DACH2: variants seen among roughly 807,000 people sequenced by gnomAD.
DACH2 encodes dachshund family transcription factor 2.
DACH2 carries 17 observed loss-of-function variants against 35.8 expected under a neutral mutation model. The ratio of observed to expected loss-of-function variants is 0.48; its 90% confidence interval spans 0.33 to 0.71. The LOEUF is 0.71. DACH2 is among the 30% of genes least tolerant of loss of function. The pLI, the probability that DACH2 is intolerant of heterozygous loss-of-function variation, is 0.02. For missense variants in DACH2, 469 were observed against 472.7 expected (o/e 0.99, Z 0.07); for synonymous variants, 195 against 177.3 (o/e 1.10, Z -0.79).
intron 3 of DACH2, among the ~76,000 whole-genome samples, chrX:86,552,280 T>A (rs186147546): frequency 2.3e-3 from 256 of 111,896 alleles, no homozygotes; most frequent in African/African-American, 5.5e-3. Flanking sequence ...TAATACTAAG[T>A]TGAATCTAAA....
At chrX:86,162,008 T>C (rs2030777855) in intron 1 of DACH2, among the ~76,000 whole-genome samples, 1 of 112,378 alleles carries the variant, frequency 8.9e-6, no homozygotes, top group Non-Finnish European at 1.9e-5. Context: ...AAGCTTTCAT[T>C]ATTCTTTACA....
chrX:86,591,428 C>T (rs918692377), intron 3 of DACH2, among the ~76,000 whole-genome samples: 4 of 111,816 alleles, frequency 3.6e-5, no homozygotes, highest in African/African-American at 1.3e-4. Flanking sequence ...AACTAGTTTA[C>T]AGTCCCACCA....
intron 2 of DACH2, among the ~76,000 whole-genome samples, chrX:86,424,477 A>G (rs1246109747): frequency 9.1e-6 from 1 of 110,465 alleles, no homozygotes; most frequent in Admixed American, 9.6e-5. Flanking sequence ...TTTTTTTCAC[A>G]TTGTTCACTG....
intron 6 of DACH2, among the ~76,000 whole-genome samples, chrX:86,727,286 T>C (rs1173569931): frequency 9.0e-6 from 1 of 111,636 alleles, no homozygotes; most frequent in Non-Finnish European, 1.9e-5. Context: ...AAAACATACC[T>C]ACAGAAAAAC....
chrX:86,562,482 G>A (rs753783949), intron 3 of DACH2, among the ~76,000 whole-genome samples: 1 of 111,150 alleles, frequency 9.0e-6, no homozygotes, highest in Non-Finnish European at 1.9e-5. Flanking sequence ...TAACCAGACA[G>A]TATATCTAAT....
At chrX:86,772,928 TC>T (rs2042000260) in intron 7 of DACH2, among the ~76,000 whole-genome samples, 1 of 111,435 alleles carries the variant, frequency 9.0e-6, no homozygotes, top group Non-Finnish European at 1.9e-5. Context: ...AAAGAAAACA[TC>T]CTGTAAGCCC....
At chrX:86,424,627 A>G (rs574199284) in intron 2 of DACH2, among the ~76,000 whole-genome samples, 10 of 111,655 alleles carry the variant, frequency 9.0e-5, no homozygotes, top group African/African-American at 3.2e-4. Flanking sequence ...ATTTGCAAAC[A>G]AGAATACTTT....
chrX:86,704,629 G>A (rs1017108913), intron 5 of DACH2, among the ~76,000 whole-genome samples: 10 of 111,213 alleles, frequency 9.0e-5, no homozygotes, highest in Admixed American at 8.6e-4. Context: ...AAAAATGTGG[G>A]CAAGTGACAT....
At chrX:86,606,913 C>A (rs2039866727) in intron 3 of DACH2, among the ~76,000 whole-genome samples, 1 of 111,809 alleles carries the variant, frequency 8.9e-6, no homozygotes, top group Non-Finnish European at 1.9e-5. Flanking sequence ...TTGTTATATT[C>A]TCTTGCTGAA....
chrX:86,619,124 A>G (rs984157950), intron 3 of DACH2, among the ~76,000 whole-genome samples: 33 of 112,252 alleles, frequency 2.9e-4, no homozygotes, highest in Non-Finnish European at 2.6e-4. Flanking sequence ...ATCATCAATT[A>G]TAGCCAAGAT....
chrX:86,656,857 G>GTATAGA (rs2040547129), intron 4 of DACH2, among the ~76,000 whole-genome samples: 1 of 66,772 alleles, frequency 1.5e-5, no homozygotes, highest in Non-Finnish European at 2.6e-5. Flanking sequence ...GTGTGTGTGT[G>GTATAGA]TATATATATA....
In DACH2 at chrX:86,732,191, A is replaced by C. The variant is rs764923397; in HGVS notation, c.1105-7556A>C. 4.5e-5 allele frequency among the ~76,000 whole-genome samples: 5 copies of C among 111,809 alleles called. No individual in the cohort carries two copies. The South Asian group carries it at 1.8e-3, about 41-fold the overall frequency. ...CATTTTGAGAACAAGAAAGGATAAT[A>C]AAGACTTAAAAATCAGCAAGTGTCT... On this transcript the variant is annotated intron_variant, in intron 6 of 11. Coordinates refer to ENST00000373125, the MANE Select transcript of DACH2 (RefSeq NM_053281.3).
At chrX:86,649,695 G>C (rs1339347552) in intron 3 of DACH2, among the ~76,000 whole-genome samples, 1 of 111,103 alleles carries the variant, frequency 9.0e-6, no homozygotes, top group Non-Finnish European at 1.9e-5. Flanking sequence ...AGTTTTCTAT[G>C]CATCATAAGG....
chrX:86,321,425 A>T (rs1276276710), intron 1 of DACH2, among the ~76,000 whole-genome samples: 4 of 112,121 alleles, frequency 3.6e-5, no homozygotes, highest in African/African-American at 1.3e-4. Flanking sequence ...CTTCCTAAAA[A>T]GTCAGGGAGA....
chrX:86,167,950 T>C (rs192060525), intron 1 of DACH2, among the ~76,000 whole-genome samples: 1 of 112,036 alleles, frequency 8.9e-6, no homozygotes, highest in Non-Finnish European at 1.9e-5. Flanking sequence ...ACATGTTTTG[T>C]GATTTAACAT....
chrX:86,376,637 C>T (rs188804668), intron 1 of DACH2, among the ~76,000 whole-genome samples, 187 bp from the exon 2 acceptor site: 38 of 110,738 alleles, frequency 3.4e-4, no homozygotes, highest in South Asian at 1.9e-3. Context: ...GCAATTCAGG[C>T]TTCCTTACCT....
intron 1 of DACH2, among the ~76,000 whole-genome samples, chrX:86,180,776 T>G (rs2031462669): frequency 8.9e-6 from 1 of 112,013 alleles, no homozygotes; most frequent in Admixed American, 9.5e-5. Flanking sequence ...GAAAAATGCT[T>G]AATCTATTTA....
intron 1 of DACH2, among the ~76,000 whole-genome samples, chrX:86,300,087 G>A (rs2034545883): frequency 9.0e-6 from 1 of 110,813 alleles, no homozygotes; most frequent in African/African-American, 3.3e-5. Flanking sequence ...ACAATACATT[G>A]TTGTTAACTA....
At chrX:86,208,761 A>T (rs2032375613) in intron 1 of DACH2, among the ~76,000 whole-genome samples, 1 of 111,605 alleles carries the variant, frequency 9.0e-6, no homozygotes, top group Admixed American at 9.6e-5. Context: ...TTATTTTATT[A>T]ATTGAGCAAG....
Sources: gnomAD v4.1 joint callset for allele counts (sites outside exome capture counted in the v4.1 genomes callset) on GRCh38, gnomAD v4.1.1 for gene constraint, MANE v1.5 for transcripts, NCBI Gene and HGNC (gene_info 2026-07-23, HGNC 2026-07-21) for gene names.